CAPZA2: variants seen among roughly 807,000 people sequenced by gnomAD.
CAPZA2 encodes the protein F-actin-capping protein subunit alpha-2.
Under a neutral mutation model 44.0 loss-of-function variants are expected in CAPZA2, and 13 were observed. That is an observed-to-expected ratio of 0.30 (90% CI 0.19 to 0.47). The LOEUF (loss-of-function observed/expected upper bound fraction) is 0.47. Ranked by LOEUF, CAPZA2 falls within the 20% of genes least tolerant of loss-of-function variation. The pLI, the probability that CAPZA2 is intolerant of heterozygous loss-of-function variation, is 1.00. For missense variants in CAPZA2, 244 were observed against 338.6 expected (o/e 0.72, Z 2.19); for synonymous variants, 94 against 108.2 (o/e 0.87, Z 0.81).
At chr7:116,915,976 C>T (rs998359937) in intron 8 of CAPZA2, 84 bp from the exon 9 acceptor site, 4 of 893,756 alleles carry the variant, frequency 4.5e-6, no homozygotes, top group Non-Finnish European at 6.5e-6. Context: ...TTTATTATAA[C>T]ATTACATTAA....
intron 1 of CAPZA2, among the ~76,000 whole-genome samples, chr7:116,877,527 A>G (rs938797030): frequency 2.6e-5 from 4 of 152,218 alleles, no homozygotes; most frequent in African/African-American, 9.6e-5. Context: ...AAGTGGCAGA[A>G]AGATTGCAAA....
At chr7:116,884,761 A>G (rs1317382593) in intron 1 of CAPZA2, among the ~76,000 whole-genome samples, 1 of 152,198 alleles carries the variant, frequency 6.6e-6, no homozygotes, top group Non-Finnish European at 1.5e-5. Flanking sequence ...TGAAGGGTAG[A>G]TACCTAGGAG....
chr7:116,865,498 T>A (rs754401926), intron 1 of CAPZA2, among the ~76,000 whole-genome samples: 2 of 152,100 alleles, frequency 1.3e-5, no homozygotes, highest in Non-Finnish European at 2.9e-5. Flanking sequence ...CATTATGCTT[T>A]CTTAAACAAA....
chr7:116,885,147 A>G (rs1195084740), intron 1 of CAPZA2, among the ~76,000 whole-genome samples: 1 of 152,074 alleles, frequency 6.6e-6, no homozygotes, highest in Admixed American at 6.5e-5. Flanking sequence ...TGAATATGCC[A>G]TTTGATAATA....
intron 3 of CAPZA2, among the ~76,000 whole-genome samples, chr7:116,894,360 CAAAAA>C (rs10706961): frequency 8.7e-6 from 1 of 114,522 alleles, no homozygotes. Flanking sequence ...GACTCCGTCT[CAAAAA>C]AAAAAAAAAA....
intron 7 of CAPZA2, among the ~76,000 whole-genome samples, chr7:116,911,605 G>A (rs928966547): frequency 2.6e-5 from 4 of 152,120 alleles, no homozygotes; most frequent in African/African-American, 9.7e-5. Context: ...CGAGATCAGG[G>A]ACTGTGTCTT....
chr7:116,909,126 G>A (rs1341748574), intron 6 of CAPZA2, among the ~76,000 whole-genome samples: 1 of 151,976 alleles, frequency 6.6e-6, no homozygotes, highest in Non-Finnish European at 1.5e-5. Flanking sequence ...AGATTTTGAG[G>A]TATTTCAGAT....
intron 6 of CAPZA2, 149 bp from the exon 7 acceptor site, chr7:116,910,084 T>C: frequency 1.5e-6 from 1 of 662,764 alleles, no homozygotes; most frequent in South Asian, 1.6e-5. Context: ...CTTTTGATTA[T>C]TTTTGACTAT....
chr7:116,888,281 T>G, intron 2 of CAPZA2, 91 bp downstream of exon 2: 1 of 823,442 alleles, frequency 1.2e-6, no homozygotes, highest in East Asian at 2.6e-5. Context: ...AAGGACAGTA[T>G]GCAGAAAAAT....
Position 116,888,220 on chromosome 7 carries a change from G to A in CAPZA2, c.103+30G>A, listed in dbSNP as rs748135147. ...GTGTTTGATTTATAACACTAGGCTT[G>A]ATATATCAAGCCCTCTTTTTAAAAG... On this transcript the variant is annotated intron_variant, in intron 2 of 9. Coordinates refer to ENST00000361183, the MANE Select transcript of CAPZA2 (RefSeq NM_006136.3). The A allele has an allele frequency of 2.8e-5, 41 of 1,446,234 alleles. No individual in the cohort carries two copies. In the East Asian group the frequency reaches 5.9e-4, roughly 21 times the overall value. 89.6% of individuals were successfully genotyped at this position (1,446,234 alleles called of 1,614,324 possible). A position where few individuals can be genotyped will look rare whatever the true frequency, so the allele number is the denominator to read the frequency against.
intron 8 of CAPZA2, among the ~76,000 whole-genome samples, chr7:116,912,442 A>G (rs1346110848): frequency 3.3e-5 from 5 of 152,160 alleles, no homozygotes; most frequent in Non-Finnish European, 7.4e-5. Context: ...ATGCTCCTTA[A>G]AAGAAACACT....
chr7:116,907,923 T>A (rs1010703123), intron 6 of CAPZA2, among the ~76,000 whole-genome samples: 3 of 152,304 alleles, frequency 2.0e-5, no homozygotes, highest in African/African-American at 7.2e-5. Flanking sequence ...GATTTTTCCA[T>A]AGTGATAATA....
chr7:116,899,291 CA>C (rs1336072209), intron 4 of CAPZA2, among the ~76,000 whole-genome samples: 2 of 151,676 alleles, frequency 1.3e-5, no homozygotes, highest in African/African-American at 4.8e-5. Flanking sequence ...AGGTCACTAG[CA>C]TTTTTTTTTT....
At chr7:116,893,107 A>T (rs1796871513) in intron 3 of CAPZA2, 62 bp downstream of exon 3, 1 of 1,108,194 alleles carries the variant, frequency 9.0e-7, no homozygotes, top group Non-Finnish European at 1.3e-6. Context: ...AGATGCTTTA[A>T]AAGTGTGTGG....
chr7:116,877,750 A>G lies in CAPZA2; in HGVS notation c.40-10377A>G, dbSNP rs117740776. The stretch of plus-strand genomic sequence containing the variant: ...TTTTACAGCCTTAGAAGAGCCTTAT[A>G]TATCATGCTAAAGATTTTGAACTTA... On this transcript the variant is annotated intron_variant, in intron 1 of 9. Transcript: ENST00000361183. Among the ~76,000 whole-genome samples the G allele has an allele frequency of 1.1e-4, 16 of 152,360 alleles. No individual in the cohort carries two copies. The East Asian group carries it at 3.1e-3, about 29-fold the overall frequency.
At chr7:116,880,223 AAC>A in intron 1 of CAPZA2, 1 of 379,174 alleles carries the variant, frequency 2.6e-6, no homozygotes, top group East Asian at 7.4e-5. Context: ...TCTAAACTAG[AAC>A]AGTTTATTTT....
chr7:116,897,343 CTTTT>C (rs1585010225), intron 3 of CAPZA2, among the ~76,000 whole-genome samples: 1 of 152,128 alleles, frequency 6.6e-6, no homozygotes, highest in African/African-American at 2.4e-5. Context: ...TGAATAGCTT[CTTTT>C]TTCTTTCTCA....
chr7:116,863,523 A>C (rs1434429829), intron 1 of CAPZA2, among the ~76,000 whole-genome samples: 1 of 152,244 alleles, frequency 6.6e-6, no homozygotes, highest in East Asian at 1.9e-4. Context: ...AGATATTTAA[A>C]ACGAGTAATG....
In CAPZA2 at chr7:116,921,075, G is replaced by T. The variant is rs1242651233; in HGVS notation, c.*3208G>T. The T allele has an allele frequency of 2.0e-5, 3 of 152,256 alleles. No individual in the cohort carries two copies. Among genetic ancestry groups the T allele is most frequent in the Non-Finnish European group, 4.4e-5 (3 of 68,118 alleles). 9.4% of individuals were successfully genotyped at this position (152,256 alleles called of 1,614,324 possible). On this transcript the variant is annotated 3_prime_UTR_variant, in exon 10 of 10. Transcript: ENST00000361183. Reference sequence around the variant, plus strand: ...TAGGTGTGTTAAAGTAGGGGAACTAGAAAGAATGACCTGGAAATGTAAGAA... The same window carrying T: ...TAGGTGTGTTAAAGTAGGGGAACTATAAAGAATGACCTGGAAATGTAAGAA...
Sources: gnomAD v4.1 joint callset for allele counts (sites outside exome capture counted in the v4.1 genomes callset) on GRCh38, gnomAD v4.1.1 for gene constraint, MANE v1.5 for transcripts, NCBI Gene and HGNC (gene_info 2026-07-23, HGNC 2026-07-21) for gene names.